Variants in TLE1 observed in about 807,000 individuals in gnomAD.
TLE1 encodes the protein transducin-like enhancer protein 1.
Under a neutral mutation model 89.8 loss-of-function variants are expected in TLE1, and 21 were observed. That is an observed-to-expected ratio of 0.23 (90% CI 0.17 to 0.34). The LOEUF is 0.34. TLE1 is among the 10% of genes least tolerant of loss of function. TLE1 has a pLI of 1.00. For missense variants in TLE1, 795 were observed against 1,031.2 expected, an observed-to-expected ratio of 0.77 and a Z score of 3.14; for synonymous variants, 447 against 407.6, an observed-to-expected ratio of 1.10 and a Z score of -1.16.
intron 4 of TLE1, among the ~76,000 whole-genome samples, chr9:81,662,056 A>G (rs1830863560): frequency 6.6e-6 from 1 of 152,220 alleles, no homozygotes; most frequent in African/African-American, 2.4e-5. Context: ...GTTCAAATGA[A>G]AAGCATTCCA....
chr9:81,637,315 G>A lies in TLE1; in HGVS notation c.373-3014C>T, dbSNP rs183920805. Among the ~76,000 whole-genome samples the A allele has an allele frequency of 3.1e-3, 470 of 152,318 alleles. 2 individuals are homozygous for A. The highest frequency in any genetic ancestry group is 0.02 in the Middle Eastern group (6 of 294). On this transcript the variant is annotated intron_variant, in intron 6 of 19. Transcript: ENST00000376499. ...AGAGGCTGTAGTGAGCTGAGATCGTGCCACTGCACTCCAGCCTGGGTGACA... is the reference window on the plus strand; with the variant it reads ...AGAGGCTGTAGTGAGCTGAGATCGTACCACTGCACTCCAGCCTGGGTGACA...
intron 4 of TLE1, among the ~76,000 whole-genome samples, chr9:81,675,760 G>C (rs1364922893): frequency 6.8e-6 from 1 of 146,142 alleles, no homozygotes; most frequent in Non-Finnish European, 1.5e-5. Flanking sequence ...GAGTGCAGTG[G>C]CATGATCTCA....
intron 15 of TLE1, 127 bp downstream of exon 15, chr9:81,592,898 C>G: frequency 7.4e-7 from 1 of 1,354,626 alleles, no homozygotes; most frequent in Non-Finnish European, 9.8e-7. Flanking sequence ...GGTTAAATAA[C>G]CAACACAGGA....
At chr9:81,640,588 C>T (rs932758712) in intron 6 of TLE1, among the ~76,000 whole-genome samples, 1 of 152,052 alleles carries the variant, frequency 6.6e-6, no homozygotes, top group Non-Finnish European at 1.5e-5. Flanking sequence ...AAAACAAATG[C>T]CAAACCCTGA....
intron 14 of TLE1, among the ~76,000 whole-genome samples, chr9:81,609,307 AC>A (rs1823402752): frequency 6.6e-6 from 1 of 151,820 alleles, no homozygotes. Context: ...CTGGTCTCGA[AC>A]CCCCGACCTC....
At chr9:81,675,518 ATC>A (rs1272786352) in intron 4 of TLE1, among the ~76,000 whole-genome samples, 1 of 152,036 alleles carries the variant, frequency 6.6e-6, no homozygotes, top group East Asian at 1.9e-4. Context: ...AGTTTTGTTT[ATC>A]TCTCTTTTTT....
intron 5 of TLE1, among the ~76,000 whole-genome samples, chr9:81,652,673 A>G (rs1829702441): frequency 6.6e-6 from 1 of 152,208 alleles, no homozygotes; most frequent in Non-Finnish European, 1.5e-5. Context: ...TTACAGCCAG[A>G]TGCAATGGCT....
chr9:81,615,429 T>C (rs1458957409), intron 11 of TLE1, among the ~76,000 whole-genome samples: 1 of 149,540 alleles, frequency 6.7e-6, no homozygotes, highest in Admixed American at 6.7e-5. Context: ...AAGACGGCAA[T>C]GAGGCTGGGC....
intron 6 of TLE1, among the ~76,000 whole-genome samples, chr9:81,638,712 C>T (rs1827719251): frequency 6.6e-6 from 1 of 151,858 alleles, no homozygotes; most frequent in Middle Eastern, 3.2e-3. Flanking sequence ...ACAATCTCCT[C>T]CTTCTGGGTT....
chr9:81,684,664 T>C lies in TLE1; in HGVS notation c.234+1012A>G, dbSNP rs950567032. ...AATGAAACAAGGGTTTGAGATGAAA[T>C]AGCACATATACATCAAGTAAGAATT... On this transcript the variant is annotated intron_variant, in intron 4 of 19. Coordinates refer to ENST00000376499, the MANE Select transcript of TLE1 (RefSeq NM_005077.5). 8.5e-5 allele frequency among the ~76,000 whole-genome samples: 13 copies of C among 152,326 alleles called. No homozygotes were observed. The East Asian group carries it at 1.9e-3, about 23-fold the overall frequency.
At chr9:81,654,993 G>T (rs527261784) in intron 4 of TLE1, among the ~76,000 whole-genome samples, 1 of 152,242 alleles carries the variant, frequency 6.6e-6, no homozygotes, top group Non-Finnish European at 1.5e-5. Context: ...CAAACTCAAA[G>T]ACCTCACCGA....
chr9:81,636,599 T>C (rs1245689334), intron 6 of TLE1, among the ~76,000 whole-genome samples: 1 of 152,134 alleles, frequency 6.6e-6, no homozygotes, highest in Non-Finnish European at 1.5e-5. Context: ...CCCCTCTCCC[T>C]GCTTCCCCCA....
intron 4 of TLE1, 81 bp downstream of exon 4, chr9:81,685,595 C>A (rs1834162716): frequency 1.4e-6 from 2 of 1,432,990 alleles, no homozygotes; most frequent in Middle Eastern, 2.1e-4. Flanking sequence ...CCCCTAGAGC[C>A]CACTACTGAG....
intron 8 of TLE1, among the ~76,000 whole-genome samples, chr9:81,625,780 C>T (rs1006227380): frequency 6.6e-6 from 1 of 152,044 alleles, no homozygotes; most frequent in African/African-American, 2.4e-5. Flanking sequence ...AGCAAAGACC[C>T]AGCCACTTCA....
chr9:81,620,579 C>A (rs1314834554), intron 8 of TLE1, 22 bp from the exon 9 acceptor site: 1 of 1,598,562 alleles, frequency 6.3e-7, no homozygotes, highest in South Asian at 1.1e-5. Flanking sequence ...AAAAATTAAT[C>A]AAAGATTTCT....
At position 81,591,041 on chromosome 9, in the gene TLE1, A is replaced by G. The variant is rs1829412518; in HGVS notation, c.1593T>C (p.Asn531=). 3 of 1,613,892 alleles carry G rather than the reference A, an allele frequency of 1.9e-6. No individual in the cohort carries two copies. In the East Asian group the frequency reaches 6.7e-5, roughly 36 times the overall value. Residue 531 remains asparagine (N), a synonymous_variant, in exon 16 of 20, where the codon AAT becomes AAC. Coordinates refer to ENST00000376499, the MANE Select transcript of TLE1 (RefSeq NM_005077.5). ...VSQLDCLNRD[N]YIRSCKLLPD... is the part of the protein sequence containing the mutation. ...GTAGCAATTTACAGGAACGGATATA[A>G]TTGTCTCTGTTCTGTAGAATAAACA...
At chr9:81,607,495 C>G (rs980044552) in intron 14 of TLE1, among the ~76,000 whole-genome samples, 2 of 152,218 alleles carry the variant, frequency 1.3e-5, no homozygotes, top group African/African-American at 4.8e-5. Context: ...GCTGAACACA[C>G]GCCCCGTACC....
At chr9:81,598,595 G>A (rs1459745650) in intron 14 of TLE1, among the ~76,000 whole-genome samples, 1 of 152,086 alleles carries the variant, frequency 6.6e-6, no homozygotes, top group South Asian at 2.1e-4. Flanking sequence ...AGGAAAAGTT[G>A]CCCTGGTAAG....
intron 4 of TLE1, among the ~76,000 whole-genome samples, chr9:81,668,401 T>TA (rs1831775475): frequency 6.6e-6 from 1 of 151,980 alleles, no homozygotes; most frequent in Non-Finnish European, 1.5e-5. Flanking sequence ...TAGAAGAGAG[T>TA]AAGCAAAAGG....
Sources: gnomAD v4.1 joint callset for allele counts (sites outside exome capture counted in the v4.1 genomes callset) on GRCh38, gnomAD v4.1.1 for gene constraint, MANE v1.5 for transcripts, NCBI Gene and HGNC (gene_info 2026-07-23, HGNC 2026-07-21) for gene names.